SCHIP1: variants seen among roughly 807,000 people sequenced by gnomAD.
SCHIP1 encodes the protein schwannomin-interacting protein 1.
A neutral mutation model predicts 29.7 loss-of-function variants in SCHIP1; 8 were observed. That is an observed-to-expected ratio of 0.27 (90% confidence interval 0.16 to 0.49). The LOEUF is 0.49. SCHIP1 is among the 20% of genes least tolerant of loss of function. The pLI, the probability that SCHIP1 is intolerant of heterozygous loss-of-function variation, is 0.99. For missense variants in SCHIP1, 193 were observed against 294.6 expected, an observed-to-expected ratio of 0.66 and a Z score of 2.52; for synonymous variants, 76 against 94.9, an observed-to-expected ratio of 0.80 and a Z score of 1.16.
the SCHIP1 span, among the ~76,000 whole-genome samples, chr3:159,616,054 T>C: frequency 1.3e-5 from 2 of 152,158 alleles, no homozygotes; most frequent in African/African-American, 4.8e-5. Flanking sequence ...CTTTTCCCAG[T>C]CTCAGTGATG....
At chr3:159,502,829 C>T in the SCHIP1 span, among the ~76,000 whole-genome samples, 4 of 152,310 alleles carry the variant, frequency 2.6e-5, 1 homozygote, top group Middle Eastern at 6.8e-3. Context: ...ATTTGCTTGG[C>T]CAAGTGCAGG....
At chr3:159,429,019 G>A in the SCHIP1 span, among the ~76,000 whole-genome samples, 1 of 149,058 alleles carries the variant, frequency 6.7e-6, no homozygotes, top group East Asian at 2.0e-4. Flanking sequence ...ACACAGGAAG[G>A]GGAACATCAC....
At chr3:159,665,455 C>T in the SCHIP1 span, among the ~76,000 whole-genome samples, 24 of 152,130 alleles carry the variant, frequency 1.6e-4, no homozygotes, top group African/African-American at 5.3e-4. Flanking sequence ...CTAATAGCAG[C>T]ACTCAGACGA....
At chr3:159,812,576 T>C in the SCHIP1 span, among the ~76,000 whole-genome samples, 1 of 152,234 alleles carries the variant, frequency 6.6e-6, no homozygotes, top group African/African-American at 2.4e-5. Flanking sequence ...CAGTACCGTA[T>C]GTATATAAGC....
the SCHIP1 span, among the ~76,000 whole-genome samples, chr3:159,702,307 A>C: frequency 6.6e-6 from 1 of 152,324 alleles, no homozygotes; most frequent in South Asian, 2.1e-4. Context: ...CAAATTCTTC[A>C]TTTCATTACA....
chr3:159,840,084 C>T (rs933573504), exon 1 of SCHIP1: 14 of 1,524,356 alleles, frequency 9.2e-6, no homozygotes, highest in African/African-American at 2.8e-5. Flanking sequence ...CCCTGCCTTA[C>T]CAGGGCGTTC....
chr3:159,858,377 A>C (rs1045339141), intron 1 of SCHIP1, among the ~76,000 whole-genome samples: 1 of 151,744 alleles, frequency 6.6e-6, no homozygotes, highest in Admixed American at 6.6e-5. Context: ...TGCACCTTAG[A>C]CTCCTTCACT....
chr3:159,687,035 T>G, the SCHIP1 span, among the ~76,000 whole-genome samples: 52 of 152,300 alleles, frequency 3.4e-4, no homozygotes, highest in African/African-American at 1.2e-3. Flanking sequence ...CAATCTCAAC[T>G]ATAAGACTTC....
chr3:159,788,639 A>C, the SCHIP1 span, among the ~76,000 whole-genome samples: 1 of 152,174 alleles, frequency 6.6e-6, no homozygotes, highest in Non-Finnish European at 1.5e-5. Context: ...TGGTGAGTTC[A>C]CCACACTTCA....
chr3:159,890,950 T>C (rs569509505), intron 5 of SCHIP1, among the ~76,000 whole-genome samples: 14 of 152,318 alleles, frequency 9.2e-5, no homozygotes, highest in African/African-American at 3.4e-4. Context: ...CTCTCTTCCA[T>C]GTGTCTGGGC....
chr3:159,509,193 TG>T, the SCHIP1 span, among the ~76,000 whole-genome samples: 2 of 152,240 alleles, frequency 1.3e-5, no homozygotes, highest in African/African-American at 4.8e-5. Flanking sequence ...TAGCTCTTCT[TG>T]TTGAATTGAT....
chr3:159,620,983 CA>C, the SCHIP1 span, among the ~76,000 whole-genome samples: 1 of 152,296 alleles, frequency 6.6e-6, no homozygotes, highest in East Asian at 1.9e-4. Context: ...ATATGTTAAG[CA>C]TCTAAAAATA....
the SCHIP1 span, among the ~76,000 whole-genome samples, chr3:159,560,168 C>T: frequency 6.6e-6 from 1 of 152,114 alleles, no homozygotes; most frequent in Non-Finnish European, 1.5e-5. Flanking sequence ...AAGCTCTTTT[C>T]GGCCAATTAT....
the SCHIP1 span, among the ~76,000 whole-genome samples, chr3:159,694,950 G>A: frequency 6.6e-6 from 1 of 152,154 alleles, no homozygotes; most frequent in Non-Finnish European, 1.5e-5. Context: ...CAATTAGTAG[G>A]CTGAGTTATT....
the SCHIP1 span, among the ~76,000 whole-genome samples, chr3:159,403,794 C>T: frequency 2.0e-5 from 3 of 152,150 alleles, no homozygotes; most frequent in Non-Finnish European, 4.4e-5. Context: ...ACATATGACA[C>T]AGTTAGACAT....
the SCHIP1 span, among the ~76,000 whole-genome samples, chr3:159,482,937 C>A: frequency 2.6e-5 from 4 of 152,074 alleles, no homozygotes; most frequent in Non-Finnish European, 5.9e-5. Flanking sequence ...AGACATTGGG[C>A]CCCAGGGGTC....
the SCHIP1 span, among the ~76,000 whole-genome samples, chr3:159,564,098 T>C: frequency 6.6e-6 from 1 of 152,174 alleles, no homozygotes; most frequent in South Asian, 2.1e-4. Context: ...AACTTTACTT[T>C]CTTCAACAAA....
At chr3:159,281,215 T>A in the SCHIP1 span, among the ~76,000 whole-genome samples, 19 of 152,190 alleles carry the variant, frequency 1.2e-4, no homozygotes, top group African/African-American at 4.6e-4. Context: ...TACATCCTCT[T>A]GGAACTTCAT....
At chr3:159,511,342 C>G in the SCHIP1 span, among the ~76,000 whole-genome samples, 5 of 152,186 alleles carry the variant, frequency 3.3e-5, no homozygotes, top group African/African-American at 1.2e-4. Flanking sequence ...GTGGGAGTGA[C>G]CGGATTTTCC....
Sources: gnomAD v4.1 joint callset for allele counts (sites outside exome capture counted in the v4.1 genomes callset) on GRCh38, gnomAD v4.1.1 for gene constraint, MANE v1.5 for transcripts, NCBI Gene and HGNC (gene_info 2026-07-23, HGNC 2026-07-21) for gene names.